The following FYN variants were observed in gnomAD, a reference collection of about 807,000 sequenced individuals.
FYN encodes the protein FYN proto-oncogene, Src family tyrosine kinase.
A neutral mutation model predicts 70.2 loss-of-function variants in FYN; 10 were observed. That is an observed-to-expected ratio of 0.14 (90% confidence interval 0.09 to 0.24). The LOEUF (loss-of-function observed/expected upper bound fraction) is 0.24. FYN is among the 10% of genes least tolerant of loss of function. The pLI, the probability that FYN is intolerant of heterozygous loss-of-function variation, is 1.00. For missense variants in FYN, 319 were observed against 673.1 expected (o/e 0.47, Z 5.82); for synonymous variants, 236 against 248.6 (o/e 0.95, Z 0.48).
intron 1 of FYN, among the ~76,000 whole-genome samples, chr6:111,858,694 C>A (rs1773885165): frequency 6.6e-6 from 1 of 152,020 alleles, no homozygotes; most frequent in Admixed American, 6.5e-5. Flanking sequence ...GTGATGGAAT[C>A]CCTAGCTTCA....
intron 2 of FYN, among the ~76,000 whole-genome samples, chr6:111,842,344 C>T (rs1773387251): frequency 6.6e-6 from 1 of 152,156 alleles, no homozygotes. Flanking sequence ...TTCAGAGGCA[C>T]CAGAAGCACC....
chr6:111,842,621 C>T (rs560750412), intron 2 of FYN, among the ~76,000 whole-genome samples: 1 of 152,154 alleles, frequency 6.6e-6, no homozygotes, highest in Non-Finnish European at 1.5e-5. Flanking sequence ...CCTCTGACCC[C>T]GGAAATCTTA....
At chr6:111,681,160 T>C (rs1026896723) in intron 12 of FYN, among the ~76,000 whole-genome samples, 9 of 151,998 alleles carry the variant, frequency 5.9e-5, no homozygotes, top group South Asian at 2.1e-4. Flanking sequence ...CCTGAGTAGC[T>C]GGGACTATTG....
At chr6:111,722,539 C>CT (rs1801003812) in intron 3 of FYN, among the ~76,000 whole-genome samples, 1 of 152,070 alleles carries the variant, frequency 6.6e-6, no homozygotes, top group Non-Finnish European at 1.5e-5. Context: ...GATGTTTTTT[C>CT]TTTTTTTCCA....
intron 1 of FYN, among the ~76,000 whole-genome samples, chr6:111,867,293 G>A (rs1348543168): frequency 9.2e-5 from 14 of 151,772 alleles, no homozygotes; most frequent in African/African-American, 2.9e-4. Flanking sequence ...CCAACGTGGC[G>A]AAACCCCAAT....
At chr6:111,850,471 C>T (rs9384812) in intron 1 of FYN, among the ~76,000 whole-genome samples, 1 of 152,166 alleles carries the variant, frequency 6.6e-6, no homozygotes, top group Non-Finnish European at 1.5e-5. Context: ...ACCTCAGAAC[C>T]GTACGTGGAG....
rs549780603 is a variant in FYN at position 111,723,490 on chromosome 6, T to G, written c.-11-3428A>C. Among the ~76,000 whole-genome samples the G allele has an allele frequency of 1.4e-4, 21 of 152,400 alleles. No homozygotes were observed. In the East Asian group the frequency reaches 4.0e-3, roughly 29 times the overall value. On this transcript the variant is annotated intron_variant, in intron 3 of 13. Coordinates refer to ENST00000354650, the MANE Select transcript of FYN (RefSeq NM_002037.5). Reference sequence around the variant, plus strand: ...GTTAAGTAATGTTTCTATACAGATCTTGCTTACTCTTTTCTCTTCAATGAC... The same window carrying G: ...GTTAAGTAATGTTTCTATACAGATCGTGCTTACTCTTTTCTCTTCAATGAC...
chr6:111,762,304 T>G (rs1260832669), intron 3 of FYN, among the ~76,000 whole-genome samples: 1 of 152,142 alleles, frequency 6.6e-6, no homozygotes, highest in African/African-American at 2.4e-5. Context: ...TACTTATACC[T>G]CTAAGTAATG....
chr6:111,732,665 C>T (rs1299823206), intron 3 of FYN, among the ~76,000 whole-genome samples: 1 of 152,228 alleles, frequency 6.6e-6, no homozygotes, highest in Non-Finnish European at 1.5e-5. Context: ...TCACTTAATT[C>T]TAGTCAACTC....
intron 1 of FYN, among the ~76,000 whole-genome samples, chr6:111,864,259 G>A (rs935250683): frequency 2.0e-5 from 3 of 152,142 alleles, no homozygotes; most frequent in Non-Finnish European, 2.9e-5. Context: ...AAGAGATGGC[G>A]CAAATTTAGT....
intron 2 of FYN, among the ~76,000 whole-genome samples, chr6:111,789,045 AGAG>A (rs750714031): frequency 2.0e-5 from 3 of 152,028 alleles, no homozygotes; most frequent in Non-Finnish European, 2.9e-5. Context: ...CAGAGAGAGA[AGAG>A]GAGGAGGAGG....
intron 3 of FYN, among the ~76,000 whole-genome samples, chr6:111,780,224 T>A (rs890807416): frequency 6.6e-6 from 1 of 152,216 alleles, no homozygotes; most frequent in Non-Finnish European, 1.5e-5. Flanking sequence ...CTTTGGAGAA[T>A]TTATTTTATT....
intron 2 of FYN, among the ~76,000 whole-genome samples, chr6:111,804,715 G>A (rs1424348191): frequency 6.6e-6 from 1 of 152,198 alleles, no homozygotes; most frequent in Non-Finnish European, 1.5e-5. Context: ...CGAGGGCTGT[G>A]ACTCATAAGC....
chr6:111,671,267 T>C (rs1290797345), intron 13 of FYN, among the ~76,000 whole-genome samples: 2 of 152,218 alleles, frequency 1.3e-5, no homozygotes, highest in African/African-American at 4.8e-5. Flanking sequence ...AACTTGCCAA[T>C]GTTCTAACAT....
Position 111,744,814 on chromosome 6 carries a change from A to T in FYN, c.-11-24752T>A, listed in dbSNP as rs111293489. 5.8e-4 allele frequency among the ~76,000 whole-genome samples: 88 copies of T among 152,352 alleles called. 1 individual carries two copies. Among genetic ancestry groups the T allele is most frequent in the African/African-American group, 2.0e-3 (84 of 41,584 alleles). ...GTGAGGAAAAAACCCCCAAAATACA[A>T]ATATCACCTAACAATAAATATGCTT... On this transcript the variant is annotated intron_variant, in intron 3 of 13. Coordinates refer to ENST00000354650, the MANE Select transcript of FYN (RefSeq NM_002037.5).
intron 2 of FYN, among the ~76,000 whole-genome samples, chr6:111,837,275 T>C (rs1773216439): frequency 6.6e-6 from 1 of 152,180 alleles, no homozygotes; most frequent in Admixed American, 6.5e-5. Flanking sequence ...AAGAAAAAAA[T>C]GTTTTTTCCC....
intron 3 of FYN, among the ~76,000 whole-genome samples, chr6:111,769,304 A>G (rs1021660981): frequency 6.6e-6 from 1 of 152,220 alleles, no homozygotes; most frequent in African/African-American, 2.4e-5. Context: ...AATATGGGAC[A>G]ATCTTTTCCC....
chr6:111,689,970 A>C (rs1282535501), intron 12 of FYN, among the ~76,000 whole-genome samples: 2 of 152,244 alleles, frequency 1.3e-5, no homozygotes, highest in African/African-American at 4.8e-5. Context: ...AGTTATGCTT[A>C]CACACAGCCA....
At chr6:111,669,307 T>C (rs947715800) in intron 13 of FYN, among the ~76,000 whole-genome samples, 1 of 151,476 alleles carries the variant, frequency 6.6e-6, no homozygotes, top group Admixed American at 6.6e-5. Flanking sequence ...TGGTGGCGGG[T>C]GCCTGTAATC....
Sources: allele counts gnomAD v4.1 joint callset (sites outside exome capture counted in the v4.1 genomes callset), GRCh38; gene constraint gnomAD v4.1.1; transcripts MANE v1.5; gene names NCBI Gene and HGNC (gene_info 2026-07-23, HGNC 2026-07-21).